The following DCBLD1 variants were observed in gnomAD, a reference collection of about 807,000 sequenced individuals.
DCBLD1 encodes the protein discoidin, CUB and LCCL domain-containing protein 1.
A neutral mutation model predicts 71.5 loss-of-function variants in DCBLD1; 57 were observed. The observed-to-expected ratio is 0.80, with a 90% CI of 0.64 to 0.99. DCBLD1 has a LOEUF of 0.99. Among genes scored for constraint, DCBLD1 ranks in the 50% least tolerant of loss-of-function variants. The pLI is 0.00. For synonymous variants in DCBLD1, 380 were observed against 363.8 expected, an observed-to-expected ratio of 1.04 and a Z score of -0.51; for missense variants, 891 against 923.5, an observed-to-expected ratio of 0.96 and a Z score of 0.46.
chr6:117,506,143 CATATATTTT>C (rs1777835531), intron 2 of DCBLD1, among the ~76,000 whole-genome samples: 1 of 152,046 alleles, frequency 6.6e-6, no homozygotes, highest in Non-Finnish European at 1.5e-5. Flanking sequence ...TTGGCTCTTA[CATATATTTT>C]CTAGAATCCC....
At chr6:117,564,537 C>T (rs9385019) in intron 14 of DCBLD1, among the ~76,000 whole-genome samples, 36,628 of 151,948 alleles carry the variant, frequency 0.24, 4,891 homozygotes, top group East Asian at 0.34. Flanking sequence ...TTGACTATAT[C>T]ACCTATTTAG....
chr6:117,534,276 T>G (rs1342109976), intron 6 of DCBLD1, among the ~76,000 whole-genome samples: 1 of 152,230 alleles, frequency 6.6e-6, no homozygotes, highest in Admixed American at 6.5e-5. Flanking sequence ...ATATAACATT[T>G]TTCACATAAA....
At chr6:117,499,730 T>C (rs1252398819) in intron 1 of DCBLD1, among the ~76,000 whole-genome samples, 1 of 152,200 alleles carries the variant, frequency 6.6e-6, no homozygotes, top group Non-Finnish European at 1.5e-5. Flanking sequence ...GATAAACTGA[T>C]AGATTTTTAA....
At chr6:117,552,328 A>T (rs1779442415), downstream of DCBLD1, among the ~76,000 whole-genome samples, 1 of 152,164 alleles carries the variant, frequency 6.6e-6, no homozygotes, top group African/African-American at 2.4e-5. Context: ...TATACATTAG[A>T]TGATCGATCA....
intron 2 of DCBLD1, among the ~76,000 whole-genome samples, chr6:117,518,647 G>A (rs1403368182): frequency 6.6e-6 from 1 of 152,198 alleles, no homozygotes; most frequent in Non-Finnish European, 1.5e-5. Context: ...CAAAAGACAT[G>A]TCTCATATGG....
intron 7 of DCBLD1, 48 bp downstream of exon 7, chr6:117,537,273 G>A (rs775288005): frequency 1.3e-5 from 21 of 1,584,952 alleles, no homozygotes; most frequent in Admixed American, 6.7e-5. Flanking sequence ...GGTGGCTCAC[G>A]CCTATAATCC....
chr6:117,486,626 A>G (rs1777093566), intron 1 of DCBLD1, among the ~76,000 whole-genome samples: 1 of 152,208 alleles, frequency 6.6e-6, no homozygotes, highest in Admixed American at 6.5e-5. Context: ...TCTGCCTGGA[A>G]TAGTCTTGCC....
intron 2 of DCBLD1, among the ~76,000 whole-genome samples, chr6:117,516,689 A>G (rs1237516850): frequency 6.6e-6 from 1 of 152,164 alleles, no homozygotes; most frequent in Non-Finnish European, 1.5e-5. Context: ...CAATTTACAA[A>G]AGGTTTAATT....
At chr6:117,534,804 C>T (rs9688613) in intron 6 of DCBLD1, among the ~76,000 whole-genome samples, 2,424 of 151,312 alleles carry the variant, frequency 0.016, 52 homozygotes, top group African/African-American at 0.056. Flanking sequence ...TGACGTTAAA[C>T]TTCCATGCAA....
intron 1 of DCBLD1, among the ~76,000 whole-genome samples, chr6:117,499,963 A>T (rs1777598452): frequency 6.6e-6 from 1 of 152,238 alleles, no homozygotes; most frequent in South Asian, 2.1e-4. Flanking sequence ...GGTTGCGGTG[A>T]GCTGAGATCG....
At chr6:117,514,463 T>C (rs924183511) in intron 2 of DCBLD1, among the ~76,000 whole-genome samples, 6 of 151,898 alleles carry the variant, frequency 4.0e-5, no homozygotes, top group South Asian at 2.1e-4. Flanking sequence ...AAAAATTAGC[T>C]GGACATGGTG....
intron 14 of DCBLD1, among the ~76,000 whole-genome samples, chr6:117,546,555 G>A (rs1779271204): frequency 6.6e-6 from 1 of 152,182 alleles, no homozygotes; most frequent in South Asian, 2.1e-4. Flanking sequence ...CCTTGGAAGT[G>A]ACATGAAGGG....
chr6:117,530,011 A>C (rs979648900), intron 5 of DCBLD1, among the ~76,000 whole-genome samples: 1 of 152,182 alleles, frequency 6.6e-6, no homozygotes, highest in Non-Finnish European at 1.5e-5. Context: ...AGGCCCTGGG[A>C]CATGCCAAGT....
At chr6:117,517,166 T>C (rs1206770854) in intron 2 of DCBLD1, among the ~76,000 whole-genome samples, 1 of 152,214 alleles carries the variant, frequency 6.6e-6, no homozygotes, top group East Asian at 1.9e-4. Context: ...CTAGATACAA[T>C]GTGGGTACTG....
chr6:117,536,599 T>A (rs890363334), intron 6 of DCBLD1, among the ~76,000 whole-genome samples: 15 of 152,204 alleles, frequency 9.9e-5, no homozygotes, highest in African/African-American at 3.4e-4. Flanking sequence ...AGGAGCTGGT[T>A]CAAGACTTGG....
At chr6:117,503,735 T>C in intron 1 of DCBLD1, 32 bp from the exon 2 acceptor site, 1 of 1,609,364 alleles carries the variant, frequency 6.2e-7, no homozygotes, top group Non-Finnish European at 8.5e-7. Flanking sequence ...GACCCCTTCT[T>C]CTTTTATTCC....
intron 14 of DCBLD1, chr6:117,563,106 G>A: frequency 1.5e-6 from 1 of 671,814 alleles, no homozygotes; most frequent in Admixed American, 2.6e-5. Flanking sequence ...TATGCATTGA[G>A]AATTGTTCAC....
At chr6:117,557,885 C>T in intron 14 of DCBLD1, among the ~76,000 whole-genome samples, 1 of 152,202 alleles carries the variant, frequency 6.6e-6, no homozygotes, top group East Asian at 1.9e-4. Flanking sequence ...TTATCAGGCC[C>T]AGCACATCTC....
At chr6:117,544,940 T>C (rs1033620996) in intron 13 of DCBLD1, among the ~76,000 whole-genome samples, 4 of 150,222 alleles carry the variant, frequency 2.7e-5, no homozygotes, top group African/African-American at 4.9e-5. Context: ...CTTTCCACCC[T>C]GAGAAAGTGA....
Sources: gnomAD v4.1 joint callset for allele counts (sites outside exome capture counted in the v4.1 genomes callset) on GRCh38, gnomAD v4.1.1 for gene constraint, MANE v1.5 for transcripts, NCBI Gene and HGNC (gene_info 2026-07-23, HGNC 2026-07-21) for gene names.